Variants in SDHAF3 observed in about 807,000 individuals in gnomAD.
SDHAF3 encodes the protein succinate dehydrogenase assembly factor 3, mitochondrial.
SDHAF3 carries 18 observed loss-of-function variants against 11.5 expected under a neutral mutation model. The ratio of observed to expected loss-of-function variants is 1.56; its 90% CI spans 1.08 to 2.32. SDHAF3 has a LOEUF of 2.32. Among genes scored for constraint, SDHAF3 ranks in the 30% most tolerant of loss-of-function variants. The pLI is 0.00. For missense variants in SDHAF3, 200 were observed against 154.4 expected, an observed-to-expected ratio of 1.30 and a Z score of -1.57; for synonymous variants, 72 against 59.3, an observed-to-expected ratio of 1.21 and a Z score of -0.99.
chr7:97,136,452 C>T (rs771673618), intron 1 of SDHAF3: 98 of 652,642 alleles, frequency 1.5e-4, no homozygotes, highest in Middle Eastern at 4.8e-4. Flanking sequence ...TGAAGAATTC[C>T]GATTTGGTAC....
At chr7:97,160,105 C>T (rs1000252917) in intron 1 of SDHAF3, among the ~76,000 whole-genome samples, 13 of 150,876 alleles carry the variant, frequency 8.6e-5, no homozygotes, top group African/African-American at 2.2e-4. Flanking sequence ...TCTGCCCGGC[C>T]GTCCCATCTG....
chr7:97,127,875 A>G (rs1440842927), intron 1 of SDHAF3, among the ~76,000 whole-genome samples: 5 of 150,144 alleles, frequency 3.3e-5, no homozygotes, highest in African/African-American at 1.2e-4. Context: ...GATTTGTCAC[A>G]CATATATGTT....
intron 1 of SDHAF3, among the ~76,000 whole-genome samples, chr7:97,118,217 T>C (rs1051985061): frequency 2.0e-5 from 3 of 152,198 alleles, no homozygotes; most frequent in Non-Finnish European, 2.9e-5. Context: ...TTTTTGTCCT[T>C]TTAAGTGCCT....
intron 1 of SDHAF3, among the ~76,000 whole-genome samples, chr7:97,150,442 G>A (rs1440379787): frequency 6.6e-6 from 1 of 152,096 alleles, no homozygotes; most frequent in Non-Finnish European, 1.5e-5. Flanking sequence ...GCTACATAAT[G>A]GTTGTTGTAT....
At chr7:97,138,531 A>T (rs1462765921) in intron 1 of SDHAF3, among the ~76,000 whole-genome samples, 2 of 152,258 alleles carry the variant, frequency 1.3e-5, no homozygotes, top group African/African-American at 4.8e-5. Context: ...CATATGAGAG[A>T]TTACATTTTA....
chr7:97,160,372 C>T (rs1426098712), intron 1 of SDHAF3, among the ~76,000 whole-genome samples: 1 of 152,020 alleles, frequency 6.6e-6, no homozygotes, highest in Non-Finnish European at 1.5e-5. Context: ...CCCGGCCGCC[C>T]CATCTGGGAG....
rs529205135 is a variant in SDHAF3 at position 97,128,229 on chromosome 7, C to T, written c.174+10332C>T. On this transcript the variant is annotated intron_variant, in intron 1 of 1. Transcript: ENST00000432641. Reference sequence around the variant, plus strand: ...TTAACTAATGGTTTAAAAAGGGGTACAAGAGAAGATACAAAACAGTTTATC... The same window carrying T: ...TTAACTAATGGTTTAAAAAGGGGTATAAGAGAAGATACAAAACAGTTTATC... 2.0e-5 allele frequency among the ~76,000 whole-genome samples: 3 copies of T among 152,188 alleles called. 1 individual carries two copies. Among genetic ancestry groups the T allele is most frequent in the African/African-American group, 7.2e-5 (3 of 41,524 alleles).
intron 1 of SDHAF3, among the ~76,000 whole-genome samples, chr7:97,157,201 A>G (rs972268278): frequency 5.9e-5 from 9 of 152,202 alleles, no homozygotes; most frequent in Admixed American, 5.2e-4. Context: ...GTACTAAAAG[A>G]ATTTCAAAAG....
At chr7:97,160,840 CTT>C (rs1464151924) in intron 1 of SDHAF3, among the ~76,000 whole-genome samples, 1 of 151,884 alleles carries the variant, frequency 6.6e-6, no homozygotes, top group Non-Finnish European at 1.5e-5. Context: ...CACAATAAGA[CTT>C]TTCTTTTTCT....
chr7:97,127,897 G>GTTTTT (rs920829054), intron 1 of SDHAF3, among the ~76,000 whole-genome samples: 16 of 106,276 alleles, frequency 1.5e-4, no homozygotes, highest in African/African-American at 3.2e-4. Context: ...TCTACATCAA[G>GTTTTT]TTTTTTTTTT....
At chr7:97,137,825 AC>A (rs1385928261) in intron 1 of SDHAF3, among the ~76,000 whole-genome samples, 1 of 148,372 alleles carries the variant, frequency 6.7e-6, no homozygotes, top group Non-Finnish European at 1.5e-5. Flanking sequence ...CAATATATCT[AC>A]CATGTCACTT....
intron 1 of SDHAF3, among the ~76,000 whole-genome samples, chr7:97,126,406 T>C (rs28825121): frequency 0.4 from 61,192 of 152,036 alleles, 12,500 homozygotes; most frequent in East Asian, 0.49. Context: ...TCTGCTGAAG[T>C]TGTGCCCACA....
At chr7:97,138,654 C>A (rs1453546634) in intron 1 of SDHAF3, among the ~76,000 whole-genome samples, 1 of 152,174 alleles carries the variant, frequency 6.6e-6, no homozygotes, top group African/African-American at 2.4e-5. Flanking sequence ...GTTTCCTCAT[C>A]AGTAAAATGG....
intron 1 of SDHAF3, among the ~76,000 whole-genome samples, chr7:97,132,616 G>T (rs912012354): frequency 6.6e-6 from 1 of 152,156 alleles, no homozygotes; most frequent in African/African-American, 2.4e-5. Flanking sequence ...TGTAGTAACT[G>T]TATTCCATTT....
At chr7:97,149,189 GTCT>G (rs1003855842) in intron 1 of SDHAF3, among the ~76,000 whole-genome samples, 9 of 151,904 alleles carry the variant, frequency 5.9e-5, no homozygotes, top group Non-Finnish European at 1.0e-4. Context: ...CTTCCGCTTT[GTCT>G]TCCCAAAGTG....
chr7:97,151,116 C>A (rs1445823160), intron 1 of SDHAF3, among the ~76,000 whole-genome samples: 1 of 152,102 alleles, frequency 6.6e-6, no homozygotes, highest in East Asian at 1.9e-4. Flanking sequence ...ACATTTGTTA[C>A]AATAGATGAA....
rs966627711 is a variant in SDHAF3, at chr7:97,167,502, G to T, written c.175-13510G>T. ...ATACACTACTCAATGTGTTCACCAGGCCTGCTGCCTAGACAGAGCCAATTT... is the reference window on the plus strand; with the variant it reads ...ATACACTACTCAATGTGTTCACCAGTCCTGCTGCCTAGACAGAGCCAATTT... On this transcript the variant is annotated intron_variant, in intron 1 of 1. Transcript: ENST00000432641. Among the ~76,000 whole-genome samples, 8 of 152,222 alleles carry T rather than the reference G, an allele frequency of 5.3e-5. No homozygotes were observed. In the South Asian group the frequency reaches 1.0e-3, roughly 20 times the overall value.
In SDHAF3 at chr7:97,135,605, G is replaced by GTGTGTGTGTGTGTGTC. The variant is rs1554351096; in HGVS notation, c.174+17723_174+17724insCTGTGTGTGTGTGTGT. The GTGTGTGTGTGTGTGTC allele has an allele frequency of 1.6e-4, 23 of 140,590 alleles. No homozygotes were observed. The East Asian group carries it at 3.0e-3, about 18-fold the overall frequency. The allele number at this position is 140,590 out of a possible 1,614,324, so 8.7% of individuals were successfully genotyped here. ...TATGTGTGTGTGTGTGTGTGTGTCT[G>GTGTGTGTGTGTGTGTC]TGTGTGTGTGTGTGTGAGATGTATG... On this transcript the variant is annotated intron_variant, in intron 1 of 1. Transcript: ENST00000432641.
intron 1 of SDHAF3, among the ~76,000 whole-genome samples, chr7:97,158,820 T>C (rs1268905199): frequency 3.3e-5 from 5 of 152,246 alleles, no homozygotes; most frequent in Admixed American, 2.0e-4. Context: ...ACAAACTATT[T>C]CATTCTGTAG....
Sources: gnomAD v4.1 joint callset for allele counts (sites outside exome capture counted in the v4.1 genomes callset) on GRCh38, gnomAD v4.1.1 for gene constraint, MANE v1.5 for transcripts, NCBI Gene and HGNC (gene_info 2026-07-23, HGNC 2026-07-21) for gene names.